The following MARCHF3 variants were observed in gnomAD, a reference collection of about 807,000 sequenced individuals.
The protein encoded by MARCHF3 is membrane associated ring-CH-type finger 3, also known as E3 ubiquitin-protein ligase MARCHF3.
A neutral mutation model predicts 24.2 loss-of-function variants in MARCHF3; 13 were observed. The ratio of observed to expected loss-of-function variants is 0.54; its 90% CI spans 0.35 to 0.85. MARCHF3 has a LOEUF of 0.85. Ranked by LOEUF, MARCHF3 falls within the 40% of genes least tolerant of loss-of-function variation. The pLI is 0.01. For missense variants in MARCHF3, 276 were observed against 325.0 expected, an observed-to-expected ratio of 0.85 and a Z score of 1.16; for synonymous variants, 144 against 137.3, an observed-to-expected ratio of 1.05 and a Z score of -0.34.
intron 1 of MARCHF3, among the ~76,000 whole-genome samples, chr5:126,994,865 G>A (rs994986933): frequency 2.0e-5 from 3 of 152,206 alleles, no homozygotes; most frequent in African/African-American, 7.2e-5. Context: ...GCCGGTGGCC[G>A]AAGGCCCAAG....
Position 126,870,627 on chromosome 5 carries a change from C to T in MARCHF3, c.*6G>A, listed in dbSNP as rs1485357889. ...TGAATCAAACAACCAACCAACCATACAAACATCAAACAACTGTCTCCTTTG... is the reference window on the plus strand; with the variant it reads ...TGAATCAAACAACCAACCAACCATATAAACATCAAACAACTGTCTCCTTTG... On this transcript the variant is annotated 3_prime_UTR_variant, in exon 5 of 5. Transcript: ENST00000308660. 6 of 1,613,768 alleles carry T rather than the reference C, an allele frequency of 3.7e-6. No individual in the cohort carries two copies. Among genetic ancestry groups the T allele is most frequent in the African/African-American group, 1.3e-5 (1 of 74,904 alleles).
chr5:126,935,688 GC>G (rs2126806454), intron 1 of MARCHF3, among the ~76,000 whole-genome samples: 1 of 128,348 alleles, frequency 7.8e-6, no homozygotes, highest in South Asian at 2.5e-4. Flanking sequence ...TTGGCTCACT[GC>G]AATCTCCTTC....
chr5:126,941,937 C>G (rs1749842944), intron 1 of MARCHF3, among the ~76,000 whole-genome samples: 1 of 152,192 alleles, frequency 6.6e-6, no homozygotes, highest in Non-Finnish European at 1.5e-5. Context: ...GCAGTATGCT[C>G]ATTCCTGGTT....
intron 1 of MARCHF3, among the ~76,000 whole-genome samples, chr5:126,990,950 G>A (rs1414322006): frequency 1.3e-5 from 2 of 152,204 alleles, no homozygotes; most frequent in Non-Finnish European, 2.9e-5. Flanking sequence ...ACTGTTAGTG[G>A]GAGTGTAGAT....
intron 1 of MARCHF3, among the ~76,000 whole-genome samples, chr5:126,948,615 T>G (rs1290614360): frequency 1.3e-5 from 2 of 152,208 alleles, no homozygotes; most frequent in Admixed American, 1.3e-4. Context: ...TTCTGTATAG[T>G]GATCCTTGGG....
intron 1 of MARCHF3, among the ~76,000 whole-genome samples, chr5:126,946,565 G>A (rs1750018094): frequency 6.6e-6 from 1 of 152,030 alleles, no homozygotes; most frequent in Non-Finnish European, 1.5e-5. Flanking sequence ...AGTCCTGGGG[G>A]CTGGGAGAAG....
At chr5:127,025,282 C>A (rs904131051) in intron 1 of MARCHF3, among the ~76,000 whole-genome samples, 30 of 146,820 alleles carry the variant, frequency 2.0e-4, no homozygotes, top group Admixed American at 1.0e-3. Flanking sequence ...TCTGATTAGA[C>A]CCAGAGATGA....
intron 1 of MARCHF3, among the ~76,000 whole-genome samples, chr5:127,022,476 AC>A (rs1332241516): frequency 6.6e-6 from 1 of 152,198 alleles, no homozygotes; most frequent in African/African-American, 2.4e-5. Context: ...CTGACTGAGA[AC>A]CTCAGTATGT....
chr5:126,878,941 C>G (rs776282840), intron 3 of MARCHF3, among the ~76,000 whole-genome samples: 1 of 152,168 alleles, frequency 6.6e-6, no homozygotes, highest in Non-Finnish European at 1.5e-5. Flanking sequence ...GCCCACAATA[C>G]TAGTATGATG....
chr5:126,917,986 C>T lies in MARCHF3; in HGVS notation c.186G>A (p.Gln62=), dbSNP rs370483229. 18 of 1,613,384 alleles carry T rather than the reference C, an allele frequency of 1.1e-5. No homozygotes were observed. In the African/African-American group the frequency reaches 1.3e-4, roughly 12 times the overall value. ...ATTTATTTTAATTGTGGTACTACCT[C>T]TGGGTGGCAAGAGTCCGCACTACTG... ...LSTVVRTLAT[Q]SPFNDRPMCR... The change falls in exon 2 of 5, where the codon CAG becomes CAA. Residue 62 remains glutamine (Q), a splice_region_variant and synonymous_variant. Transcript: ENST00000308660.
chr5:126,966,916 T>A (rs1750835060), intron 1 of MARCHF3, among the ~76,000 whole-genome samples: 3 of 85,736 alleles, frequency 3.5e-5, no homozygotes, highest in South Asian at 3.6e-4. Context: ...TTTTTTTTTT[T>A]TTTTTTTTTT....
chr5:126,895,791 T>C (rs13163419), intron 3 of MARCHF3, among the ~76,000 whole-genome samples: 1 of 152,076 alleles, frequency 6.6e-6, no homozygotes, highest in East Asian at 1.9e-4. Flanking sequence ...CCCCCAGAGG[T>C]GGAGCCTACA....
rs1414875656 is a variant in MARCHF3 at position 126,918,099 on chromosome 5, TCAC to T, written c.70_72del (p.Val24del). 5.0e-6 allele frequency: 8 copies of T among 1,614,066 alleles called. No homozygotes were observed. Among genetic ancestry groups the T allele is most frequent in the Admixed American group, 1.7e-5 (1 of 60,002 alleles). ...AGGCTGCCACAATCCTCCACCGTCTTCACCACGGGTGCAGCTGAGCTGGTGCAG... is the reference window on the plus strand; with the variant it reads ...AGGCTGCCACAATCCTCCACCGTCTTCACGGGTGCAGCTGAGCTGGTGCAG... On this transcript the variant is annotated inframe_deletion, in exon 2 of 5. Transcript: ENST00000308660.
At chr5:126,892,762 T>C (rs1168731830) in intron 3 of MARCHF3, among the ~76,000 whole-genome samples, 3 of 148,256 alleles carry the variant, frequency 2.0e-5, no homozygotes, top group Non-Finnish European at 4.4e-5. Flanking sequence ...TTTTTTGTTA[T>C]GTCTCTGCCT....
At chr5:126,917,890 C>G (rs1256273131) in intron 2 of MARCHF3, 94 bp downstream of exon 2, 26 of 1,301,964 alleles carry the variant, frequency 2.0e-5, no homozygotes, top group Non-Finnish European at 2.3e-5. Context: ...GACACAAAGA[C>G]CTGAGCACTA....
chr5:126,921,679 C>T (rs937396380), intron 1 of MARCHF3, among the ~76,000 whole-genome samples: 1 of 152,234 alleles, frequency 6.6e-6, no homozygotes, highest in Non-Finnish European at 1.5e-5. Context: ...TGGTAAAGTA[C>T]TTCCCAGTCT....
chr5:126,911,629 T>A (rs1292521821), intron 3 of MARCHF3, among the ~76,000 whole-genome samples: 1 of 152,200 alleles, frequency 6.6e-6, no homozygotes, highest in African/African-American at 2.4e-5. Context: ...TGCTCTTGGG[T>A]TGAAACTAGC....
At chr5:126,999,469 G>T (rs1365443415) in intron 1 of MARCHF3, among the ~76,000 whole-genome samples, 2 of 152,062 alleles carry the variant, frequency 1.3e-5, no homozygotes, top group Non-Finnish European at 2.9e-5. Flanking sequence ...CTTCATCATT[G>T]TTCTCTCAGG....
chr5:126,914,366 A>G (rs1335851484), intron 3 of MARCHF3, among the ~76,000 whole-genome samples: 1 of 152,132 alleles, frequency 6.6e-6, no homozygotes, highest in Admixed American at 6.5e-5. Flanking sequence ...AAACCGTTGC[A>G]TATGTGCCCT....
Sources: allele counts gnomAD v4.1 joint callset (sites outside exome capture counted in the v4.1 genomes callset), GRCh38; gene constraint gnomAD v4.1.1; transcripts MANE v1.5; gene names NCBI Gene and HGNC (gene_info 2026-07-23, HGNC 2026-07-21).